Variants in STS observed in about 807,000 individuals in gnomAD.
STS encodes steroid sulfatase.
A neutral mutation model predicts 26.8 loss-of-function variants in STS; 7 were observed. That is an observed-to-expected ratio of 0.26 (90% CI 0.15 to 0.49). STS has a LOEUF of 0.49. STS is among the 20% of genes least tolerant of loss of function. The pLI is 0.98. For synonymous variants in STS, 199 were observed against 189.4 expected (o/e 1.05, Z -0.42); for missense variants, 434 against 465.6 (o/e 0.93, Z 0.63).
At position 7,257,498 on chromosome X, in the gene STS, C is replaced by G. The variant is rs1179571632; in HGVS notation, c.292C>G (p.Leu98Val). The change falls in exon 5 of 11, where the codon CTC (leucine) becomes GTC (valine). Residue 98 changes from leucine (L) to valine (V), a missense_variant. Around this residue, in one of 2 missense-constraint regions of STS, gnomAD observed 229 missense variants for 288.3 expected, o/e 0.79. Transcript: ENST00000674429. ...ATCTTGGTCCCGCACTGGAGTTTTC[C>G]TCTTCACAGCCTCTTCGGGAGGACT... ...MASWSRTGVF[L>V]FTASSGGLPT... 2.5e-6 allele frequency: 3 copies of G among 1,212,135 alleles called. No homozygotes were observed. The highest frequency in any genetic ancestry group is 3.0e-5 in the East Asian group (1 of 33,845).
rs954206943 is a variant in STS at position 7,191,379 on chromosome X, C to T, written c.-5+371C>T. ...CAAATGATTTAATGCATCCTCTGGA[C>T]CCTTGAGGTGGCTCTACTCTAGTTG... On this transcript the variant is annotated intron_variant, in intron 2 of 10. Transcript: ENST00000674429. Among the ~76,000 whole-genome samples, 2 of 112,105 alleles carry T rather than the reference C, an allele frequency of 1.8e-5. 1 individual carries two copies. The highest frequency in any genetic ancestry group is 6.5e-5 in the African/African-American group (2 of 30,777).
chrX:7,304,321 T>C (rs190150411), intron 7 of STS, among the ~76,000 whole-genome samples: 63 of 111,882 alleles, frequency 5.6e-4, no homozygotes, highest in African/African-American at 1.8e-3. Flanking sequence ...TAGACAGTGC[T>C]CAACAGAGGG....
chrX:7,290,942 G>A (rs993347732), intron 7 of STS, among the ~76,000 whole-genome samples: 4 of 111,306 alleles, frequency 3.6e-5, no homozygotes, highest in Non-Finnish European at 5.7e-5. Flanking sequence ...TCTTTTCTGT[G>A]CATCTTGACT....
intron 9 of STS, among the ~76,000 whole-genome samples, chrX:7,328,555 ATTTT>A (rs144329312): frequency 1.1e-5 from 1 of 87,244 alleles, no homozygotes; most frequent in Non-Finnish European, 2.2e-5. Context: ...TGCTGACCTC[ATTTT>A]TTTTTTTTTT....
intron 9 of STS, among the ~76,000 whole-genome samples, chrX:7,326,049 G>A (rs1343984235): frequency 1.8e-5 from 2 of 111,634 alleles, no homozygotes; most frequent in African/African-American, 6.5e-5. Context: ...AGGGGTTTTG[G>A]TTCTTACGAC....
At chrX:7,292,283 C>T (rs1925458082) in intron 7 of STS, among the ~76,000 whole-genome samples, 1 of 112,306 alleles carries the variant, frequency 8.9e-6, no homozygotes, top group African/African-American at 3.2e-5. Flanking sequence ...AGAGGGTGTC[C>T]CAGCATGGGG....
At chrX:7,299,204 A>G (rs1925834571) in intron 7 of STS, among the ~76,000 whole-genome samples, 2 of 95,047 alleles carry the variant, frequency 2.1e-5, no homozygotes, top group African/African-American at 7.9e-5. Context: ...ATATATAATT[A>G]TATAAAATAT....
chrX:7,269,936 A>G (rs1924188492), intron 6 of STS, among the ~76,000 whole-genome samples: 1 of 112,051 alleles, frequency 8.9e-6, no homozygotes, highest in South Asian at 3.7e-4. Context: ...GATGAAGATT[A>G]TTATTCCGAA....
chrX:7,151,030 C>T (rs1223248333), intron 1 of STS, among the ~76,000 whole-genome samples: 3 of 112,474 alleles, frequency 2.7e-5, no homozygotes, highest in African/African-American at 9.7e-5. Context: ...AACTACAGTA[C>T]GATGGCATCA....
intron 2 of STS, among the ~76,000 whole-genome samples, chrX:7,208,195 G>C (rs1920963967): frequency 8.9e-6 from 1 of 112,539 alleles, no homozygotes; most frequent in Non-Finnish European, 1.9e-5. Context: ...GAGATAATGA[G>C]TGTTTCTTAT....
At chrX:7,148,147 AG>A in intron 1 of STS, 64 bp downstream of exon 1, 1 of 1,034,796 alleles carries the variant, frequency 9.7e-7, no homozygotes, top group Non-Finnish European at 1.3e-6. Context: ...GGGGGCGAGG[AG>A]GAAGTGCGCG....
At chrX:7,263,390 T>A (rs771278251) in intron 6 of STS, among the ~76,000 whole-genome samples, 29 of 113,065 alleles carry the variant, frequency 2.6e-4, no homozygotes, top group Middle Eastern at 9.2e-3. Flanking sequence ...TTTTATACTG[T>A]ATTTTTTCCT....
At chrX:7,223,577 G>C (rs1921668756) in intron 2 of STS, among the ~76,000 whole-genome samples, 1 of 110,968 alleles carries the variant, frequency 9.0e-6, no homozygotes, top group South Asian at 3.7e-4. Context: ...TGTGTCATTT[G>C]ACTCCTTTTT....
chrX:7,323,803 T>C (rs1569225973), intron 8 of STS, among the ~76,000 whole-genome samples: 1 of 111,798 alleles, frequency 8.9e-6, no homozygotes, highest in East Asian at 2.8e-4. Flanking sequence ...GGGGAGAATC[T>C]TATTCCTTGC....
chrX:7,148,733 G>T (rs1164754578), intron 1 of STS, among the ~76,000 whole-genome samples: 1 of 112,247 alleles, frequency 8.9e-6, no homozygotes, highest in African/African-American at 3.2e-5. Context: ...CGCAGTGTGC[G>T]GAGAGGCTGC....
At chrX:7,230,736 A>G (rs897514846) in intron 2 of STS, among the ~76,000 whole-genome samples, 6 of 111,192 alleles carry the variant, frequency 5.4e-5, no homozygotes, top group Non-Finnish European at 1.1e-4. Flanking sequence ...GCTCACTATC[A>G]CAAGAACAGC....
At chrX:7,153,422 C>T (rs189025685) in intron 1 of STS, among the ~76,000 whole-genome samples, 1 of 98,758 alleles carries the variant, frequency 1.0e-5, no homozygotes, top group African/African-American at 3.9e-5. Context: ...TCCTCCTGTC[C>T]TCCTCCTTGA....
chrX:7,299,189 TATAA>T (rs1406942399), intron 7 of STS, among the ~76,000 whole-genome samples: 1 of 95,930 alleles, frequency 1.0e-5, no homozygotes, highest in African/African-American at 3.9e-5. Context: ...TATATAAATA[TATAA>T]ATATATAATT....
intron 8 of STS, among the ~76,000 whole-genome samples, chrX:7,305,701 T>C (rs759245877): frequency 3.7e-4 from 41 of 111,763 alleles, no homozygotes; most frequent in African/African-American, 1.3e-3. Flanking sequence ...CCTTCTTCCA[T>C]GTGGAAAGCT....
Sources: allele counts gnomAD v4.1 joint callset (sites outside exome capture counted in the v4.1 genomes callset), GRCh38; gene constraint gnomAD v4.1.1; regional missense constraint gnomAD v4.1.1; transcripts MANE v1.5; gene names NCBI Gene and HGNC (gene_info 2026-07-23, HGNC 2026-07-21).